The following SLC16A2 variants were observed in gnomAD, a reference collection of about 807,000 sequenced individuals.
SLC16A2 encodes the protein solute carrier family 16 member 2.
Under a neutral mutation model 27.2 loss-of-function variants are expected in SLC16A2, and 3 were observed. The ratio of observed to expected loss-of-function variants is 0.11; its 90% CI spans 0.05 to 0.28. The LOEUF (loss-of-function observed/expected upper bound fraction) is 0.28. SLC16A2 is among the 10% of genes least tolerant of loss of function. SLC16A2 has a pLI of 1.00. For missense variants in SLC16A2, 295 were observed against 458.5 expected (o/e 0.64, Z 3.26); for synonymous variants, 202 against 187.8 (o/e 1.08, Z -0.62).
At chrX:74,441,134 G>A (rs1007618019) in intron 1 of SLC16A2, among the ~76,000 whole-genome samples, 4 of 109,199 alleles carry the variant, frequency 3.7e-5, no homozygotes, top group Admixed American at 2.9e-4. Context: ...CTCGGCTCAC[G>A]GCAAGCTCCG....
At chrX:74,460,371 G>A (rs769666865) in intron 1 of SLC16A2, among the ~76,000 whole-genome samples, 2 of 111,860 alleles carry the variant, frequency 1.8e-5, no homozygotes, top group African/African-American at 6.5e-5. Context: ...GTGCAGGGCA[G>A]ACTAGGAAGC....
At chrX:74,517,392 A>G (rs1386068880) in intron 1 of SLC16A2, among the ~76,000 whole-genome samples, 1 of 112,222 alleles carries the variant, frequency 8.9e-6, no homozygotes, top group Non-Finnish European at 1.9e-5. Context: ...TCATTATATC[A>G]TAGACATTCA....
chrX:74,487,781 T>G (rs1456658551), intron 1 of SLC16A2, among the ~76,000 whole-genome samples: 1 of 111,811 alleles, frequency 8.9e-6, no homozygotes, highest in African/African-American at 3.3e-5. Flanking sequence ...CAGAGTTAAC[T>G]TTTGTTGCCC....
intron 1 of SLC16A2, among the ~76,000 whole-genome samples, chrX:74,427,839 A>C (rs1049563241): frequency 2.8e-4 from 29 of 104,808 alleles, no homozygotes; most frequent in Admixed American, 2.4e-3. Flanking sequence ...ACACACACAC[A>C]CACCCATACC....
At chrX:74,438,933 C>T (rs757042457) in intron 1 of SLC16A2, among the ~76,000 whole-genome samples, 1 of 111,866 alleles carries the variant, frequency 8.9e-6, no homozygotes, top group East Asian at 2.8e-4. Context: ...CTAGCCTGCA[C>T]AGCATATTTA....
intron 1 of SLC16A2, among the ~76,000 whole-genome samples, chrX:74,460,753 C>A (rs1435909307): frequency 9.0e-6 from 1 of 111,565 alleles, no homozygotes; most frequent in Non-Finnish European, 1.9e-5. Context: ...CAGGTTCATG[C>A]CATTCTCCTG....
chrX:74,457,275 A>G (rs1929056017), intron 1 of SLC16A2, among the ~76,000 whole-genome samples: 1 of 111,450 alleles, frequency 9.0e-6, no homozygotes, highest in Non-Finnish European at 1.9e-5. Flanking sequence ...ATGGAGTGAT[A>G]TTTTTAAAAG....
Position 74,532,657 on chromosome X carries a change from C to T in SLC16A2, c.*1104C>T, listed in dbSNP as rs748138437. 1 of 108,124 alleles carries T rather than the reference C, an allele frequency of 9.2e-6. No individual in the cohort carries two copies. The highest frequency in any genetic ancestry group is 3.5e-5 in the African/African-American group (1 of 28,895). 8.9% of individuals were successfully genotyped at this position (108,124 alleles called of 1,213,427 possible). A position where few individuals can be genotyped will look rare whatever the true frequency, so the allele number is the denominator to read the frequency against. On this transcript the variant is annotated 3_prime_UTR_variant, in exon 6 of 6. Coordinates refer to ENST00000587091, the MANE Select transcript of SLC16A2 (RefSeq NM_006517.5). ...TACCTGGGCCAGGCCAGGAAAGAGA[C>T]TATTTAAGAAAAAAAAAATCAATTC...
At position 74,525,827 on chromosome X, in the gene SLC16A2, C is replaced by A. The variant is rs1024842255; in HGVS notation, c.1104C>A (p.Gly368=). 6 of 1,211,334 alleles carry A rather than the reference C, an allele frequency of 5.0e-6. No homozygotes were observed. Among genetic ancestry groups the A allele is most frequent in the Admixed American group, 2.2e-5 (1 of 46,033 alleles). The part of the protein sequence containing the change: ...VLLVCIGATS[G]LGRLVSGHIS... ...TGGTGTGTATTGGGGCTACCTCAGG[C>A]CTTGGGCGTCTTGTGTCAGGCCACA... The change falls in exon 4 of 6, where the codon GGC becomes GGA. Residue 368 remains glycine, a synonymous_variant. Transcript: ENST00000587091.
At chrX:74,456,850 C>G (rs500243) in intron 1 of SLC16A2, among the ~76,000 whole-genome samples, 46,008 of 110,683 alleles carry the variant, frequency 0.42, 7,455 homozygotes, top group East Asian at 0.97. Flanking sequence ...AGGACCCTTA[C>G]AGGCCATCAA....
intron 1 of SLC16A2, among the ~76,000 whole-genome samples, chrX:74,439,220 T>TTC (rs1281395543): frequency 1.1e-5 from 1 of 90,771 alleles, no homozygotes. Flanking sequence ...CTTCCTTCCT[T>TTC]TCTCTCTCTC....
intron 4 of SLC16A2, 117 bp from the exon 5 acceptor site, chrX:74,529,096 C>A (rs1162217220): frequency 1.9e-6 from 1 of 516,272 alleles, no homozygotes; most frequent in Non-Finnish European, 3.3e-6. Context: ...TTGACACCTT[C>A]CCCCTCCCAC....
chrX:74,427,814 C>G (rs111345330), intron 1 of SLC16A2, among the ~76,000 whole-genome samples: 1,419 of 47,568 alleles, frequency 0.03, 23 homozygotes, highest in African/African-American at 0.12. Flanking sequence ...CGCGCGCGCA[C>G]ACACACACAC....
chrX:74,471,507 A>G (rs967171634), intron 1 of SLC16A2, among the ~76,000 whole-genome samples: 1 of 111,813 alleles, frequency 8.9e-6, no homozygotes, highest in African/African-American at 3.2e-5. Flanking sequence ...TTGAATTATT[A>G]AAGTTTTAAA....
At chrX:74,494,294 C>T (rs928333697) in intron 1 of SLC16A2, among the ~76,000 whole-genome samples, 18 of 111,807 alleles carry the variant, frequency 1.6e-4, no homozygotes, top group African/African-American at 4.6e-4. Flanking sequence ...AAATTTCAAG[C>T]CTATACACAA....
At chrX:74,441,161 C>T (rs780334975) in intron 1 of SLC16A2, among the ~76,000 whole-genome samples, 1 of 110,900 alleles carries the variant, frequency 9.0e-6, no homozygotes, top group East Asian at 2.9e-4. Context: ...CGGTTCACGC[C>T]ATTCTCCTGC....
chrX:74,506,455 C>T (rs932406863), intron 1 of SLC16A2, among the ~76,000 whole-genome samples: 1 of 111,611 alleles, frequency 9.0e-6, no homozygotes, highest in Non-Finnish European at 1.9e-5. Flanking sequence ...CGAGGTAAAT[C>T]TAGGCTGGGA....
Position 74,421,731 on chromosome X carries a change from G to C in SLC16A2, c.94G>C (p.Glu32Gln). The C allele has an allele frequency of 8.6e-7, 1 of 1,166,798 alleles. No homozygotes were observed. The highest frequency in any genetic ancestry group is 3.1e-5 in the East Asian group (1 of 31,918). The stretch of plus-strand genomic sequence containing the variant: ...GGAGCCGGTGGGTAGCCCAGAGCCG[G>C]AGTCTGAGCCGGAGCCTGAGCCCGA... ...QQEPVGSPEP[E>Q]SEPEPEPEPE... Residue 32 changes from glutamate (E) to glutamine (Q), a missense_variant, in exon 1 of 6, where the codon GAG becomes CAG. Around this residue, in one of 3 missense-constraint regions of SLC16A2, gnomAD observed 92 missense variants for 85.1 expected, o/e 1.08. Coordinates refer to ENST00000587091, the MANE Select transcript of SLC16A2 (RefSeq NM_006517.5).
chrX:74,476,611 G>A (rs1929484430), intron 1 of SLC16A2, among the ~76,000 whole-genome samples: 1 of 111,431 alleles, frequency 9.0e-6, no homozygotes, highest in South Asian at 3.7e-4. Context: ...ATTGGCTGTG[G>A]GTTTGTCATA....
Sources: gnomAD v4.1 joint callset for allele counts (sites outside exome capture counted in the v4.1 genomes callset) on GRCh38, gnomAD v4.1.1 for gene constraint, gnomAD v4.1.1 regional missense constraint, MANE v1.5 for transcripts, NCBI Gene and HGNC (gene_info 2026-07-23, HGNC 2026-07-21) for gene names.